EPB41L5: variants seen among roughly 807,000 people sequenced by gnomAD.
EPB41L5 encodes band 4.1-like protein 5.
A neutral mutation model predicts 106.6 loss-of-function variants in EPB41L5; 55 were observed. That is an observed-to-expected ratio of 0.52 (90% CI 0.42 to 0.65). EPB41L5 has a LOEUF of 0.65. Among genes scored for constraint, EPB41L5 ranks in the 30% least tolerant of loss-of-function variants. The probability of loss-of-function intolerance (pLI) is 0.00; values close to 1 mark genes in which losing one functional copy is unlikely to be tolerated. For missense variants in EPB41L5, 871 were observed against 882.1 expected, an observed-to-expected ratio of 0.99 and a Z score of 0.16; for synonymous variants, 297 against 306.7, an observed-to-expected ratio of 0.97 and a Z score of 0.33.
intron 18 of EPB41L5, 142 bp downstream of exon 18, chr2:120,131,857 T>G: frequency 3.2e-6 from 2 of 623,580 alleles, no homozygotes; most frequent in Middle Eastern, 3.7e-4. Context: ...TTTCTCATTT[T>G]AAAGGGTGAA....
rs1687943166 is a variant in EPB41L5 at position 120,177,015 on chromosome 2, A to T, written c.*2108A>T. 1 of 152,192 alleles carries T rather than the reference A, an allele frequency of 6.6e-6. No homozygotes were observed. 9.4% of individuals were successfully genotyped at this position (152,192 alleles called of 1,614,324 possible). ...AAACTTTGTCTCATGCCCTGACATGAAGTGGCAAACACGGAAGTTCATACT... is the reference window on the plus strand; with the variant it reads ...AAACTTTGTCTCATGCCCTGACATGTAGTGGCAAACACGGAAGTTCATACT... On this transcript the variant is annotated 3_prime_UTR_variant, in exon 25 of 25. Coordinates refer to ENST00000263713, the MANE Select transcript of EPB41L5 (RefSeq NM_020909.4).
At chr2:120,089,596 A>G (rs1347071287) in intron 11 of EPB41L5, among the ~76,000 whole-genome samples, 2 of 152,082 alleles carry the variant, frequency 1.3e-5, no homozygotes, top group Admixed American at 6.6e-5. Context: ...AATTTTTTAC[A>G]TATGCCTCTA....
At position 120,127,616 on chromosome 2, in the gene EPB41L5, AGAGGGT is replaced by A; in HGVS notation, c.1338-68_1338-63del. ...CAGATGTGGTGGAAATTGCAGATAC[AGAGGGT>A]GAGTAGTGTTTTAATTTTTCAAGTT... On this transcript the variant is annotated intron_variant, in intron 16 of 24. Coordinates refer to ENST00000263713, the MANE Select transcript of EPB41L5 (RefSeq NM_020909.4). 2.4e-6 allele frequency: 3 copies of A among 1,254,120 alleles called. No individual in the cohort carries two copies. The South Asian group carries it at 5.4e-5, about 23-fold the overall frequency. The allele number at this position is 1,254,120 out of a possible 1,614,324, so 77.7% of individuals were successfully genotyped here.
intron 24 of EPB41L5, among the ~76,000 whole-genome samples, chr2:120,172,798 G>A (rs575916567): frequency 1.3e-5 from 2 of 152,266 alleles, no homozygotes; most frequent in East Asian, 3.9e-4. Flanking sequence ...AAAGGATCCT[G>A]TCCAGATTCA....
chr2:120,122,068 G>A (rs574408827), intron 16 of EPB41L5, among the ~76,000 whole-genome samples: 21 of 152,282 alleles, frequency 1.4e-4, no homozygotes, highest in African/African-American at 5.1e-4. Flanking sequence ...GTAGATTCTG[G>A]ATATTAGCCC....
At chr2:120,050,361 T>G (rs981854419) in intron 3 of EPB41L5, among the ~76,000 whole-genome samples, 4 of 152,176 alleles carry the variant, frequency 2.6e-5, no homozygotes, top group African/African-American at 9.7e-5. Context: ...CTTTATTCAT[T>G]TCTTTTTATC....
In EPB41L5 at chr2:120,078,524, T is replaced by C; in HGVS notation, c.746T>C (p.Leu249Pro). The C allele has an allele frequency of 6.2e-7, 1 of 1,609,928 alleles. No homozygotes were observed. The highest frequency in any genetic ancestry group is 1.1e-5 in the South Asian group (1 of 90,376). The change falls in exon 10 of 25, where the codon CTA (leucine) becomes CCA (proline). Residue 249 changes from leucine (L) to proline (P), a missense_variant. Physicochemically the swap from Leu to Pro is moderately conservative, Grantham distance 98 (BLOSUM62 -3). Transcript: ENST00000263713. Reference sequence around the variant, plus strand: ...GATGGGAATGACTATAGTTTGGGACTAACACCAACAGGAGTCCTTGTTTTT... The same window carrying C: ...GATGGGAATGACTATAGTTTGGGACCAACACCAACAGGAGTCCTTGTTTTT... ...ARDGNDYSLG[L>P]TPTGVLVFEG... is the part of the protein sequence containing the mutation.
At chr2:120,124,504 C>T (rs1481611371) in intron 16 of EPB41L5, among the ~76,000 whole-genome samples, 2 of 152,140 alleles carry the variant, frequency 1.3e-5, no homozygotes, top group East Asian at 1.9e-4. Flanking sequence ...TCTTGGCTGG[C>T]TAATGAGAAT....
chr2:120,136,152 A>T (rs1041349428), intron 18 of EPB41L5, among the ~76,000 whole-genome samples: 24 of 141,024 alleles, frequency 1.7e-4, no homozygotes, highest in Non-Finnish European at 3.4e-4. Flanking sequence ...TTGCTTGTTA[A>T]TTTTTTTTTT....
intron 1 of EPB41L5, among the ~76,000 whole-genome samples, chr2:120,018,863 C>T (rs544910794): frequency 2.6e-5 from 4 of 152,098 alleles, no homozygotes; most frequent in Non-Finnish European, 4.4e-5. Flanking sequence ...CCAGGCTGGT[C>T]TTGAACTCCT....
chr2:120,088,159 T>A (rs1400183438), intron 11 of EPB41L5, among the ~76,000 whole-genome samples: 1 of 150,870 alleles, frequency 6.6e-6, no homozygotes, highest in Non-Finnish European at 1.5e-5. Context: ...ACGATGAAAA[T>A]TTTTTTTTTG....
At chr2:120,107,387 A>G (rs1684512554) in intron 16 of EPB41L5, among the ~76,000 whole-genome samples, 1 of 152,190 alleles carries the variant, frequency 6.6e-6, no homozygotes, top group South Asian at 2.1e-4. Context: ...TGCTAAAACA[A>G]AATCATCTTG....
intron 18 of EPB41L5, among the ~76,000 whole-genome samples, chr2:120,135,870 T>A (rs946615147): frequency 9.2e-5 from 14 of 152,120 alleles, no homozygotes; most frequent in African/African-American, 3.4e-4. Flanking sequence ...GGAAAAGATG[T>A]TAATGAGCAA....
intron 16 of EPB41L5, among the ~76,000 whole-genome samples, chr2:120,123,595 C>T (rs889320774): frequency 1.3e-5 from 2 of 149,756 alleles, no homozygotes; most frequent in African/African-American, 2.5e-5. Context: ...TTTCCCCATT[C>T]TCAAAATGTA....
intron 16 of EPB41L5, among the ~76,000 whole-genome samples, chr2:120,110,026 G>A (rs899457910): frequency 9.2e-5 from 14 of 152,184 alleles, no homozygotes; most frequent in African/African-American, 3.4e-4. Context: ...TTTGCAAATT[G>A]GATGTGTCTT....
intron 24 of EPB41L5, 97 bp downstream of exon 24, chr2:120,168,104 C>A: frequency 7.3e-7 from 1 of 1,365,398 alleles, no homozygotes; most frequent in Non-Finnish European, 9.9e-7. Flanking sequence ...GTCAATTCTT[C>A]CCTAACTGAA....
intron 1 of EPB41L5, chr2:120,013,497 C>T (rs1677286145): frequency 1.3e-5 from 2 of 152,206 alleles, no homozygotes; most frequent in Admixed American, 6.5e-5. Flanking sequence ...TAATGTTTGC[C>T]GAGCGGACGC....
At chr2:120,019,877 C>CA (rs539729757) in intron 2 of EPB41L5, among the ~76,000 whole-genome samples, 320 of 150,204 alleles carry the variant, frequency 2.1e-3, no homozygotes, top group Non-Finnish European at 3.9e-3. Context: ...TATCTCAAGA[C>CA]AGGCTGTTGT....
intron 1 of EPB41L5, among the ~76,000 whole-genome samples, chr2:120,015,862 G>C (rs1419796143): frequency 6.9e-6 from 1 of 145,454 alleles, no homozygotes; most frequent in Non-Finnish European, 1.5e-5. Context: ...GAGCATGGTA[G>C]ATGAAGGCCG....
Sources: allele counts gnomAD v4.1 joint callset (sites outside exome capture counted in the v4.1 genomes callset), GRCh38; gene constraint gnomAD v4.1.1; transcripts MANE v1.5; gene names NCBI Gene and HGNC (gene_info 2026-07-23, HGNC 2026-07-21).